Variants in LUC7L observed in about 807,000 individuals in gnomAD.
LUC7L encodes LUC7 like, also known as putative RNA-binding protein Luc7-like 1.
LUC7L carries 29 observed loss-of-function variants against 51.1 expected under a neutral mutation model. That is an observed-to-expected ratio of 0.57 (90% CI 0.42 to 0.77). The LOEUF (loss-of-function observed/expected upper bound fraction) is 0.77, where lower values mean the gene tolerates loss of function less well. Among genes scored for constraint, LUC7L ranks in the 30% least tolerant of loss-of-function variants. The probability of loss-of-function intolerance (pLI) is 0.00; values close to 1 mark genes in which losing one functional copy is unlikely to be tolerated. For synonymous variants in LUC7L, 181 were observed against 180.7 expected, an observed-to-expected ratio of 1.00 and a Z score of -0.01; for missense variants, 403 against 511.9, an observed-to-expected ratio of 0.79 and a Z score of 2.05.
At chr16:208,430 A>C in intron 3 of LUC7L, 2 of 420,064 alleles carry the variant, frequency 4.8e-6, no homozygotes, top group South Asian at 6.5e-5. Context: ...TATTTCCAAA[A>C]TTTGTAAAAG....
chr16:218,768 C>T (rs1187307000), intron 3 of LUC7L, among the ~76,000 whole-genome samples: 2 of 151,218 alleles, frequency 1.3e-5, no homozygotes, highest in South Asian at 2.1e-4. Flanking sequence ...GGGGCAACAA[C>T]GAAAAAAAGC....
At chr16:218,288 G>A (rs921498199) in intron 3 of LUC7L, among the ~76,000 whole-genome samples, 2 of 152,114 alleles carry the variant, frequency 1.3e-5, no homozygotes, top group African/African-American at 4.8e-5. Context: ...TTTTTCACTG[G>A]CTCCCTCATC....
At chr16:226,238 T>C (rs760523393) in intron 2 of LUC7L, among the ~76,000 whole-genome samples, 5 of 152,202 alleles carry the variant, frequency 3.3e-5, no homozygotes, top group Non-Finnish European at 5.9e-5. Flanking sequence ...TCCTCCCTAA[T>C]ATAAGCAATG....
At chr16:222,157 C>G (rs562899511) in intron 2 of LUC7L, among the ~76,000 whole-genome samples, 1 of 151,964 alleles carries the variant, frequency 6.6e-6, no homozygotes, top group Non-Finnish European at 1.5e-5. Context: ...AATCTAAATC[C>G]TAAGTATAGG....
At chr16:218,924 CAAAAAAAAAA>C (rs33981903) in intron 3 of LUC7L, among the ~76,000 whole-genome samples, 1 of 38,824 alleles carries the variant, frequency 2.6e-5, no homozygotes, top group Non-Finnish European at 4.2e-5. Context: ...AACCCTGTCT[CAAAAAAAAAA>C]AAAAAAAAAA....
At chr16:222,951 T>A (rs1296539843) in intron 2 of LUC7L, among the ~76,000 whole-genome samples, 287 of 119,886 alleles carry the variant, frequency 2.4e-3, no homozygotes, top group African/African-American at 7.3e-3. Context: ...CCCCGTCTTT[T>A]AAAAAAAAAA....
chr16:199,419 C>T (rs370277427), intron 5 of LUC7L, among the ~76,000 whole-genome samples, 181 bp from the exon 6 acceptor site: 2 of 152,224 alleles, frequency 1.3e-5, no homozygotes, highest in East Asian at 1.9e-4. Context: ...ATTTAAGAAA[C>T]GCGGCCAGGC....
In LUC7L at chr16:201,737, CTTTTTTT is replaced by C. The variant is rs34083330; in HGVS notation, c.511-2506_511-2500del. 1.5e-4 allele frequency among the ~76,000 whole-genome samples: 8 copies of C among 54,300 alleles called. 1 individual carries two copies. Among genetic ancestry groups the C allele is most frequent in the South Asian group, 1.6e-3 (2 of 1,288 alleles). 35.6% of individuals were successfully genotyped at this position (54,300 alleles called of 152,430 possible). A position where few individuals can be genotyped will look rare whatever the true frequency, so the allele number is the denominator to read the frequency against. On this transcript the variant is annotated intron_variant, in intron 5 of 9. Coordinates refer to ENST00000293872, the MANE Select transcript of LUC7L (RefSeq NM_201412.3). ...TACAGGCGTGAGCCACCGCACCAGG[CTTTTTTT>C]TTTTTTTTTTTTTTTTTGAGAGAGA...
intron 3 of LUC7L, among the ~76,000 whole-genome samples, chr16:216,251 C>T (rs12917880): frequency 0.37 from 56,510 of 151,984 alleles, 11,159 homozygotes; most frequent in Non-Finnish European, 0.44. Context: ...ATCTGCCCGC[C>T]TCAGCCTCCC....
At chr16:221,614 A>G (rs963367428) in intron 2 of LUC7L, among the ~76,000 whole-genome samples, 1 of 152,018 alleles carries the variant, frequency 6.6e-6, no homozygotes, top group African/African-American at 2.4e-5. Flanking sequence ...GAGACACAAG[A>G]ATCGCTTGAA....
intron 6 of LUC7L, among the ~76,000 whole-genome samples, chr16:197,347 GGATTA>G (rs1567175129): frequency 1.3e-5 from 2 of 151,280 alleles, no homozygotes; most frequent in African/African-American, 4.9e-5. Context: ...CGAGTAGCCA[GGATTA>G]CAGGCGCCCG....
chr16:227,029 A>C (rs1356454326), intron 2 of LUC7L, among the ~76,000 whole-genome samples: 6 of 152,326 alleles, frequency 3.9e-5, no homozygotes, highest in African/African-American at 1.4e-4. Flanking sequence ...AGCTGTGATC[A>C]CACCACTGCA....
intron 4 of LUC7L, among the ~76,000 whole-genome samples, chr16:207,218 G>A (rs1043014191): frequency 4.2e-4 from 63 of 150,526 alleles, no homozygotes; most frequent in African/African-American, 1.5e-3. Context: ...AAAAAAAACC[G>A]ACAATAATTT....
chr16:225,144 G>A (rs1170720669), intron 2 of LUC7L, among the ~76,000 whole-genome samples: 1 of 152,008 alleles, frequency 6.6e-6, no homozygotes, highest in Non-Finnish European at 1.5e-5. Context: ...CCTTCTACTG[G>A]TCTAACACTA....
At chr16:227,973 A>G (rs2050172859) in intron 1 of LUC7L, 1 of 1,050,610 alleles carries the variant, frequency 9.5e-7, no homozygotes, top group Non-Finnish European at 1.2e-6. Context: ...TGTGAGCTCC[A>G]ACACATACTG....
At chr16:192,582 C>T (rs1320776341) in intron 7 of LUC7L, among the ~76,000 whole-genome samples, 1 of 148,202 alleles carries the variant, frequency 6.7e-6, no homozygotes, top group Non-Finnish European at 1.5e-5. Flanking sequence ...CGGCTCACTG[C>T]AACCTCTGCC....
chr16:229,266 C>A lies in LUC7L; in HGVS notation c.61+13G>T, dbSNP rs962954770. 2.0e-6 allele frequency: 3 copies of A among 1,533,986 alleles called. No homozygotes were observed. The highest frequency in any genetic ancestry group is 3.9e-5 in the Admixed American group (2 of 51,348). On this transcript the variant is annotated intron_variant, in intron 1 of 9. Transcript: ENST00000293872. ...CACCCCAGACCCTCGCCTGGTTGGCCGCTCTGACTCACCGTCCCGAGCCGT... is the reference window on the plus strand; with the variant it reads ...CACCCCAGACCCTCGCCTGGTTGGCAGCTCTGACTCACCGTCCCGAGCCGT...
intron 2 of LUC7L, among the ~76,000 whole-genome samples, chr16:221,186 A>ATTTTTTTTTTTTTTTTTT (rs372906826): frequency 7.9e-5 from 8 of 101,246 alleles, no homozygotes; most frequent in Admixed American, 1.2e-4. Context: ...CACCCAGCTA[A>ATTTTTTTTTTTTTTTTTT]TTTTTTTTTT....
chr16:193,298 C>T (rs531255975), intron 6 of LUC7L, among the ~76,000 whole-genome samples: 148 of 151,912 alleles, frequency 9.7e-4, no homozygotes, highest in Non-Finnish European at 1.5e-3. Flanking sequence ...AGGCACATGC[C>T]ACCACACCCA....
Sources: allele counts gnomAD v4.1 joint callset (sites outside exome capture counted in the v4.1 genomes callset), GRCh38; gene constraint gnomAD v4.1.1; transcripts MANE v1.5; gene names NCBI Gene and HGNC (gene_info 2026-07-23, HGNC 2026-07-21).